TMTC2: variants seen among roughly 807,000 people sequenced by gnomAD.
TMTC2 encodes the protein protein O-mannosyl-transferase TMTC2.
A neutral mutation model predicts 82.4 loss-of-function variants in TMTC2; 43 were observed. The observed-to-expected ratio is 0.52, with a 90% confidence interval of 0.41 to 0.67. The LOEUF (loss-of-function observed/expected upper bound fraction) is 0.67, where lower values mean the gene tolerates loss of function less well. Ranked by LOEUF, TMTC2 falls within the 30% of genes least tolerant of loss-of-function variation. TMTC2 has a pLI of 0.00. For missense variants in TMTC2, 919 were observed against 1,012.4 expected, an observed-to-expected ratio of 0.91 and a Z score of 1.25; for synonymous variants, 408 against 381.9, an observed-to-expected ratio of 1.07 and a Z score of -0.80.
At chr12:82,715,095 C>T (rs545752877) in intron 1 of TMTC2, among the ~76,000 whole-genome samples, 2 of 151,826 alleles carry the variant, frequency 1.3e-5, no homozygotes, top group Non-Finnish European at 2.9e-5. Context: ...GATGGTGAAA[C>T]CCTGTCTCTA....
intron 1 of TMTC2, among the ~76,000 whole-genome samples, chr12:82,841,928 T>G (rs561213977): frequency 6.6e-5 from 10 of 152,304 alleles, no homozygotes; most frequent in African/African-American, 2.4e-4. Flanking sequence ...ATGCAGAAAT[T>G]AAAAGAATAT....
chr12:83,038,089 A>T (rs905026029), intron 9 of TMTC2, among the ~76,000 whole-genome samples: 1 of 141,736 alleles, frequency 7.1e-6, no homozygotes, highest in Non-Finnish European at 1.5e-5. Context: ...TTGAACAATG[A>T]GAACACATGG....
rs1214381475 is a variant in TMTC2, at chr12:82,901,295, TA to T, written c.1483+4650del. 3.0e-4 allele frequency among the ~76,000 whole-genome samples: 38 copies of T among 124,972 alleles called. 2 individuals are homozygous for T. The highest frequency in any genetic ancestry group is 1.3e-3 in the African/African-American group (36 of 28,458). 82.0% of individuals were successfully genotyped at this position (124,972 alleles called of 152,430 possible). ...ATATAGAGAGAGTAATATATATATATATATATTTTTTTTTCTTTTTTTTTTT... is the reference window on the plus strand; with the variant it reads ...ATATAGAGAGAGTAATATATATATATTATATTTTTTTTTCTTTTTTTTTTT... On this transcript the variant is annotated intron_variant, in intron 3 of 11. Coordinates refer to ENST00000321196, the MANE Select transcript of TMTC2 (RefSeq NM_152588.3).
chr12:83,035,382 G>T (rs935137006), intron 9 of TMTC2, among the ~76,000 whole-genome samples: 1 of 152,124 alleles, frequency 6.6e-6, no homozygotes, highest in African/African-American at 2.4e-5. Context: ...CAGTCAGTTG[G>T]TTAAAGGTTG....
chr12:82,786,318 C>T (rs1878173177), intron 1 of TMTC2, among the ~76,000 whole-genome samples: 1 of 152,020 alleles, frequency 6.6e-6, no homozygotes, highest in Admixed American at 6.6e-5. Flanking sequence ...AGTCTCCCCT[C>T]CCCCAGTTTA....
chr12:82,736,325 C>A (rs905402553), intron 1 of TMTC2, among the ~76,000 whole-genome samples: 17 of 151,786 alleles, frequency 1.1e-4, no homozygotes, highest in Non-Finnish European at 1.6e-4. Context: ...TAAAAAAAAA[C>A]AACATGTCCT....
In TMTC2 at chr12:82,748,038, C is replaced by T. The variant is rs1470919901; in HGVS notation, c.83+60369C>T. On this transcript the variant is annotated intron_variant, in intron 1 of 11. Coordinates refer to ENST00000321196, the MANE Select transcript of TMTC2 (RefSeq NM_152588.3). Reference sequence around the variant, plus strand: ...TTTTAAAAAAAGTTTAGGCCAGACGCGGTGGCTCACGCCTGTGATCCCAGC... The same window carrying T: ...TTTTAAAAAAAGTTTAGGCCAGACGTGGTGGCTCACGCCTGTGATCCCAGC... Among the ~76,000 whole-genome samples, 6 of 152,294 alleles carry T rather than the reference C, an allele frequency of 3.9e-5. 1 individual carries two copies. In the Middle Eastern group the frequency reaches 0.014, roughly 345 times the overall value.
chr12:82,918,998 C>T (rs944961547), intron 3 of TMTC2, among the ~76,000 whole-genome samples: 7 of 152,170 alleles, frequency 4.6e-5, no homozygotes, highest in African/African-American at 9.7e-5. Flanking sequence ...CCTTGTGATC[C>T]GACAGCCTTG....
At chr12:82,915,142 A>G (rs1490669022) in intron 3 of TMTC2, among the ~76,000 whole-genome samples, 2 of 152,104 alleles carry the variant, frequency 1.3e-5, no homozygotes, top group Admixed American at 6.6e-5. Context: ...TCTTTTACAG[A>G]TGAGAAACTA....
chr12:82,762,259 G>C (rs559122327), intron 1 of TMTC2, among the ~76,000 whole-genome samples: 1 of 152,086 alleles, frequency 6.6e-6, no homozygotes, highest in African/African-American at 2.4e-5. Context: ...GAGCCACCAC[G>C]CGTGGCCGAC....
intron 1 of TMTC2, among the ~76,000 whole-genome samples, chr12:82,735,319 T>G (rs1380228270): frequency 6.6e-6 from 1 of 151,278 alleles, no homozygotes; most frequent in African/African-American, 2.4e-5. Flanking sequence ...TGATCTGATC[T>G]GTCTTTAACA....
intron 1 of TMTC2, among the ~76,000 whole-genome samples, chr12:82,711,764 G>A (rs1873631049): frequency 6.6e-6 from 1 of 152,218 alleles, no homozygotes; most frequent in Non-Finnish European, 1.5e-5. Flanking sequence ...ATAGAAGTGT[G>A]TAAATTTTGC....
chr12:83,118,414 AT>A (rs1884839032), intron 11 of TMTC2, among the ~76,000 whole-genome samples: 2 of 152,152 alleles, frequency 1.3e-5, no homozygotes. Flanking sequence ...CTTTTTCGGC[AT>A]CTATTAAGAT....
intron 1 of TMTC2, among the ~76,000 whole-genome samples, chr12:82,811,270 A>C (rs1248498461): frequency 6.6e-6 from 1 of 152,056 alleles, no homozygotes; most frequent in East Asian, 1.9e-4. Flanking sequence ...TAAATTACCC[A>C]GTCTTGGGCA....
At chr12:83,063,173 T>C (rs1277322254) in intron 11 of TMTC2, among the ~76,000 whole-genome samples, 1 of 151,714 alleles carries the variant, frequency 6.6e-6, no homozygotes, top group East Asian at 1.9e-4. Context: ...GAAAGTCCTG[T>C]TTGTTCTTCT....
chr12:82,877,654 T>C (rs1177989379), intron 2 of TMTC2, among the ~76,000 whole-genome samples: 1 of 152,170 alleles, frequency 6.6e-6, no homozygotes, highest in Non-Finnish European at 1.5e-5. Context: ...TATATTCTTC[T>C]CCTGTTCTTC....
intron 1 of TMTC2, among the ~76,000 whole-genome samples, chr12:82,709,591 TA>T (rs1425707639): frequency 6.6e-6 from 1 of 152,338 alleles, no homozygotes; most frequent in African/African-American, 2.4e-5. Flanking sequence ...TAAAAATTCT[TA>T]AATCAGAAAC....
At chr12:82,723,661 C>T (rs144076569) in intron 1 of TMTC2, among the ~76,000 whole-genome samples, 1 of 152,230 alleles carries the variant, frequency 6.6e-6, no homozygotes, top group East Asian at 1.9e-4. Flanking sequence ...TGGAATTTTC[C>T]ACTTGTAGCA....
intron 2 of TMTC2, among the ~76,000 whole-genome samples, chr12:82,864,224 G>A (rs1477081782): frequency 6.6e-6 from 1 of 152,090 alleles, no homozygotes; most frequent in Non-Finnish European, 1.5e-5. Context: ...AGTGATATCG[G>A]GGCCTTCTGT....
Sources: allele counts gnomAD v4.1 joint callset (sites outside exome capture counted in the v4.1 genomes callset), GRCh38; gene constraint gnomAD v4.1.1; transcripts MANE v1.5; gene names NCBI Gene and HGNC (gene_info 2026-07-23, HGNC 2026-07-21).